Variants in DNAH14 observed in about 807,000 individuals in gnomAD.
DNAH14 encodes dynein axonemal heavy chain 14.
In DNAH14, 478 loss-of-function variants were observed where a neutral mutation model predicts 520.9. That is an observed-to-expected ratio of 0.92 (90% confidence interval 0.85 to 0.99). The LOEUF is 0.99. Among genes scored for constraint, DNAH14 ranks in the 50% least tolerant of loss-of-function variants. The pLI is 0.00. For synonymous variants in DNAH14, 1,581 were observed against 1,757.2 expected (o/e 0.90, Z 2.51); for missense variants, 4,831 against 5,234.5 (o/e 0.92, Z 2.38).
intron 23 of DNAH14, among the ~76,000 whole-genome samples, chr1:225,102,645 T>C (rs1290247486): frequency 1.3e-5 from 2 of 152,244 alleles, no homozygotes; most frequent in Non-Finnish European, 2.9e-5. Context: ...TGGCCAGTGA[T>C]GATGAGCATT....
rs777378966 is a variant in DNAH14 at position 225,361,818 on chromosome 1, G to A, written c.11987+927G>A. On this transcript the variant is annotated intron_variant, in intron 75 of 85. Transcript: ENST00000682510. ...GATAACTGTTTGGGGCCAGGAGTTCGAGACCAGCCTGGGCAACAGAGTGAA... is the reference window on the plus strand; with the variant it reads ...GATAACTGTTTGGGGCCAGGAGTTCAAGACCAGCCTGGGCAACAGAGTGAA... Among the ~76,000 whole-genome samples the A allele has an allele frequency of 2.6e-4, 40 of 152,248 alleles. No homozygotes were observed. In the East Asian group the frequency reaches 3.7e-3, roughly 14 times the overall value.
chr1:225,206,992 C>T lies in DNAH14; in HGVS notation c.6211C>T (p.Pro2071Ser). Residue 2071 changes from proline (P) to serine (S), a missense_variant, in exon 41 of 86, where the codon CCT (proline) becomes TCT (serine). Pro to Ser is a moderately conservative substitution (Grantham distance 74). Coordinates refer to ENST00000682510, the MANE Select transcript of DNAH14 (RefSeq NM_001367479.1). ...GGATCCTGTTGATCTGGGATGGGAA[C>T]CTTATGTTAAGTCATGGCTTCTGAA... The part of the protein sequence containing the change: ...YMDPVDLGWE[P>S]YVKSWLLKTS... 3 of 1,527,120 alleles carry T rather than the reference C, an allele frequency of 2.0e-6. No homozygotes were observed. Among genetic ancestry groups the T allele is most frequent in the Non-Finnish European group, 2.6e-6 (3 of 1,136,646 alleles). The allele number at this position is 1,527,120 out of a possible 1,614,324, so 94.6% of individuals were successfully genotyped here. A position where few individuals can be genotyped will look rare whatever the true frequency, so the allele number is the denominator to read the frequency against.
At chr1:225,214,904 T>G (rs1042412575) in intron 41 of DNAH14, among the ~76,000 whole-genome samples, 1 of 152,226 alleles carries the variant, frequency 6.6e-6, no homozygotes, top group Admixed American at 6.5e-5. Context: ...TGTCTCTATC[T>G]CCTTCAGTTC....
rs191182906 is a variant in DNAH14, at chr1:225,329,705, A to G, written c.9724-1732A>G. Among the ~76,000 whole-genome samples the G allele has an allele frequency of 4.0e-3, 612 of 152,294 alleles. 4 individuals are homozygous for G. Among genetic ancestry groups the G allele is most frequent in the African/African-American group, 0.014 (587 of 41,556 alleles). ...ACCTCAAACTATGAAACTTCTTGAG[A>G]AAACATTGGGGAAAATCTCCAGGAC... On this transcript the variant is annotated intron_variant, in intron 64 of 85. Coordinates refer to ENST00000682510, the MANE Select transcript of DNAH14 (RefSeq NM_001367479.1).
chr1:225,241,207 G>A (rs746215872), intron 43 of DNAH14, among the ~76,000 whole-genome samples: 3 of 151,840 alleles, frequency 2.0e-5, no homozygotes, highest in Non-Finnish European at 4.4e-5. Context: ...ATTTTATAAA[G>A]CCTTAGATTT....
chr1:224,963,007 T>C (rs971720234), intron 4 of DNAH14, among the ~76,000 whole-genome samples: 3 of 152,160 alleles, frequency 2.0e-5, no homozygotes, highest in Admixed American at 6.6e-5. Context: ...GAGTGAGATA[T>C]GTGTTTTCAG....
intron 62 of DNAH14, among the ~76,000 whole-genome samples, chr1:225,323,621 G>A (rs983206497): frequency 2.3e-4 from 35 of 151,984 alleles, no homozygotes; most frequent in Admixed American, 1.9e-3. Flanking sequence ...CTGCCACCAT[G>A]CCCAGCTAAT....
At chr1:225,163,624 G>A (rs1334426262) in intron 35 of DNAH14, among the ~76,000 whole-genome samples, 2 of 152,138 alleles carry the variant, frequency 1.3e-5, no homozygotes, top group African/African-American at 4.8e-5. Context: ...TATGGTTTTT[G>A]TCCTTCATTC....
chr1:225,211,749 G>C (rs1263889972), intron 41 of DNAH14, among the ~76,000 whole-genome samples: 1 of 152,088 alleles, frequency 6.6e-6, no homozygotes. Flanking sequence ...AGAGAGAAAG[G>C]TTGGGTTACC....
chr1:225,106,808 C>A (rs983368227), intron 23 of DNAH14, among the ~76,000 whole-genome samples: 1 of 152,064 alleles, frequency 6.6e-6, no homozygotes, highest in African/African-American at 2.4e-5. Flanking sequence ...TTTTTAACTT[C>A]TTTGCCATTG....
chr1:225,286,949 G>A (rs2093759933), intron 54 of DNAH14, among the ~76,000 whole-genome samples: 1 of 152,042 alleles, frequency 6.6e-6, no homozygotes, highest in African/African-American at 2.4e-5. Flanking sequence ...GAATTTCAAA[G>A]GTATATTGCT....
At chr1:224,984,473 C>G (rs1281895897) in intron 8 of DNAH14, among the ~76,000 whole-genome samples, 1 of 152,150 alleles carries the variant, frequency 6.6e-6, no homozygotes, top group African/African-American at 2.4e-5. Flanking sequence ...TTTCTAGACA[C>G]TGGCTTAGGC....
intron 13 of DNAH14, among the ~76,000 whole-genome samples, chr1:225,043,445 T>C (rs1474523537): frequency 2.0e-5 from 3 of 152,234 alleles, no homozygotes; most frequent in African/African-American, 7.2e-5. Context: ...AGATCATTGT[T>C]GTGCATGTCA....
intron 54 of DNAH14, among the ~76,000 whole-genome samples, chr1:225,288,794 C>A (rs1174901740): frequency 2.6e-5 from 4 of 151,976 alleles, no homozygotes; most frequent in Non-Finnish European, 5.9e-5. Flanking sequence ...TGGCTATAAT[C>A]AAAAAGATAG....
intron 75 of DNAH14, 52 bp downstream of exon 75, chr1:225,360,943 A>G: frequency 1.4e-6 from 2 of 1,480,830 alleles, no homozygotes; most frequent in Non-Finnish European, 1.8e-6. Context: ...CCAAAACTAT[A>G]AAGTAAAACT....
At position 225,322,761 on chromosome 1, in the gene DNAH14, C is replaced by T. The variant is rs2094580538; in HGVS notation, c.9433C>T (p.Leu3145Phe). Residue 3145 changes from leucine to phenylalanine, a missense_variant, in exon 62 of 86, where the codon CTT (leucine) becomes TTT (phenylalanine). Transcript: ENST00000682510. ...KPNWATAKLL[L>F]SETGFLKKLI... ...TAACTGGGCAACGGCAAAGTTACTT[C>T]TTTCAGAAACTGGTTTCCTGAAAAA... is the stretch of plus-strand genomic sequence containing the variant. 2 of 1,551,638 alleles carry T rather than the reference C, an allele frequency of 1.3e-6. No individual in the cohort carries two copies. Among genetic ancestry groups the T allele is most frequent in the South Asian group, 1.2e-5 (1 of 84,058 alleles).
In DNAH14 at chr1:225,388,437, G is replaced by T; in HGVS notation, c.13136G>T (p.Arg4379Leu). ...LSSWIDDLIQ[R>L]LNFFNTWAKV... Reference sequence around the variant, plus strand: ...TCCTGGATTGATGATCTCATCCAGCGACTGAATTTCTTCAATACTTGGGCC... The same window carrying T: ...TCCTGGATTGATGATCTCATCCAGCTACTGAATTTCTTCAATACTTGGGCC... Residue 4379 changes from arginine (R) to leucine (L), a missense_variant, in exon 82 of 86, where the codon CGA becomes CTA. Transcript: ENST00000682510. The T allele has an allele frequency of 6.5e-7, 1 of 1,534,688 alleles. No individual in the cohort carries two copies. Among genetic ancestry groups the T allele is most frequent in the Non-Finnish European group, 8.8e-7 (1 of 1,133,254 alleles).
Position 225,195,998 on chromosome 1 carries a change from AATTT to A in DNAH14, c.5886+3112_5886+3115del, listed in dbSNP as rs549336597. Among the ~76,000 whole-genome samples, 38 of 151,596 alleles carry A rather than the reference AATTT, an allele frequency of 2.5e-4. No homozygotes were observed. The East Asian group carries it at 5.6e-3, about 23-fold the overall frequency. ...AACCCACAGTCTCACATTTTTAAGAAATTTATTTATTTATTTATTTATTTATTTT... is the reference window on the plus strand; with the variant it reads ...AACCCACAGTCTCACATTTTTAAGAAATTTATTTATTTATTTATTTATTTT... On this transcript the variant is annotated intron_variant, in intron 38 of 85. Coordinates refer to ENST00000682510, the MANE Select transcript of DNAH14 (RefSeq NM_001367479.1).
chr1:224,974,228 T>C, intron 8 of DNAH14, 75 bp downstream of exon 8: 2 of 966,274 alleles, frequency 2.1e-6, no homozygotes, highest in Non-Finnish European at 2.9e-6. Flanking sequence ...GAAGCAGATA[T>C]AATTTCATTT....
Sources: allele counts gnomAD v4.1 joint callset (sites outside exome capture counted in the v4.1 genomes callset), GRCh38; gene constraint gnomAD v4.1.1; transcripts MANE v1.5; gene names NCBI Gene and HGNC (gene_info 2026-07-23, HGNC 2026-07-21).